Variants in NRG3 observed in about 807,000 individuals in gnomAD.
The protein encoded by NRG3 is pro-neuregulin-3, membrane-bound isoform.
Under a neutral mutation model 66.9 loss-of-function variants are expected in NRG3, and 31 were observed. The observed-to-expected ratio is 0.46, with a 90% CI of 0.35 to 0.63. The LOEUF (loss-of-function observed/expected upper bound fraction) is 0.63, where lower values mean the gene tolerates loss of function less well. NRG3 is among the 20% of genes least tolerant of loss of function. The probability of loss-of-function intolerance (pLI) is 0.00; values close to 1 mark genes in which losing one functional copy is unlikely to be tolerated. For synonymous variants in NRG3, 393 were observed against 359.4 expected, an observed-to-expected ratio of 1.09 and a Z score of -1.06; for missense variants, 910 against 878.9, an observed-to-expected ratio of 1.04 and a Z score of -0.45.
At chr10:82,703,034 C>A (rs2056013408) in intron 2 of NRG3, among the ~76,000 whole-genome samples, 1 of 148,720 alleles carries the variant, frequency 6.7e-6, no homozygotes, top group Non-Finnish European at 1.5e-5. Context: ...CCTTTCTTAA[C>A]CCTTCCTTCC....
At chr10:82,421,920 C>T (rs367917478) in intron 2 of NRG3, among the ~76,000 whole-genome samples, 1 of 152,028 alleles carries the variant, frequency 6.6e-6, no homozygotes, top group African/African-American at 2.4e-5. Context: ...CAACTACTTT[C>T]GGTTCAACTT....
At chr10:82,349,553 C>A (rs958341205) in intron 1 of NRG3, among the ~76,000 whole-genome samples, 12 of 152,014 alleles carry the variant, frequency 7.9e-5, no homozygotes, top group African/African-American at 2.9e-4. Context: ...GTGGAGCCTA[C>A]AGAGGCAGGC....
intron 1 of NRG3, among the ~76,000 whole-genome samples, chr10:82,115,546 G>T (rs2132293609): frequency 6.6e-6 from 1 of 152,230 alleles, no homozygotes; most frequent in East Asian, 1.9e-4. Flanking sequence ...CTGTGACACT[G>T]AGGCCTTTGG....
intron 1 of NRG3, among the ~76,000 whole-genome samples, chr10:81,898,771 G>T (rs1198995975): frequency 2.0e-5 from 3 of 151,104 alleles, no homozygotes; most frequent in African/African-American, 7.3e-5. Context: ...ATTTTCTACT[G>T]TGTAGGCATT....
In NRG3 at chr10:82,531,173, G is replaced by A. The variant is rs184602955; in HGVS notation, c.953+172305G>A. ...TGGTCTATACAATAATGTAAATGAA[G>A]AATAAATTTAAAGTATTAAAAATAT... is the stretch of plus-strand genomic sequence containing the variant. On this transcript the variant is annotated intron_variant, in intron 2 of 8. Coordinates refer to ENST00000372141, the MANE Select transcript of NRG3 (RefSeq NM_001010848.4). Among the ~76,000 whole-genome samples the A allele has an allele frequency of 2.7e-3, 412 of 151,426 alleles. 1 individual carries two copies. Among genetic ancestry groups the A allele is most frequent in the Non-Finnish European group, 4.5e-3 (307 of 67,594 alleles).
chr10:82,720,600 G>T (rs1159525426), intron 2 of NRG3, among the ~76,000 whole-genome samples: 3 of 151,532 alleles, frequency 2.0e-5, no homozygotes, highest in African/African-American at 4.9e-5. Context: ...ACAAAATAGT[G>T]GTAACAACAT....
chr10:82,898,879 T>G (rs1249961081), intron 4 of NRG3, among the ~76,000 whole-genome samples: 1 of 151,584 alleles, frequency 6.6e-6, no homozygotes, highest in Admixed American at 6.6e-5. Context: ...CCCGGCTAAT[T>G]TTTTTGTATT....
At chr10:82,223,516 G>A (rs958744459) in intron 1 of NRG3, among the ~76,000 whole-genome samples, 1 of 152,158 alleles carries the variant, frequency 6.6e-6, no homozygotes, top group East Asian at 1.9e-4. Context: ...AACTCAGTTG[G>A]AGAGAATCAG....
intron 1 of NRG3, among the ~76,000 whole-genome samples, chr10:82,041,628 A>G (rs1427726744): frequency 1.3e-5 from 2 of 151,966 alleles, no homozygotes; most frequent in Non-Finnish European, 2.9e-5. Context: ...GTCAGGAACA[A>G]CATTCCTCAA....
intron 1 of NRG3, among the ~76,000 whole-genome samples, chr10:82,238,770 A>G (rs2076867261): frequency 6.6e-6 from 1 of 152,010 alleles, no homozygotes; most frequent in Non-Finnish European, 1.5e-5. Context: ...GTGTGAGCAT[A>G]TAATCTATCA....
At chr10:82,748,696 G>C (rs2058739445) in intron 3 of NRG3, among the ~76,000 whole-genome samples, 1 of 150,464 alleles carries the variant, frequency 6.6e-6, no homozygotes, top group African/African-American at 2.4e-5. Context: ...GCCAGGGACT[G>C]TTCTAAGTTT....
chr10:82,411,153 T>A (rs2136153478), intron 2 of NRG3, among the ~76,000 whole-genome samples: 1 of 152,176 alleles, frequency 6.6e-6, no homozygotes, highest in South Asian at 2.1e-4. Flanking sequence ...TGACCTCAGG[T>A]GATCTACCTG....
At chr10:82,358,691 G>C in intron 1 of NRG3, 48 bp from the exon 2 acceptor site, 1 of 1,610,616 alleles carries the variant, frequency 6.2e-7, no homozygotes. Context: ...AGTTGTTGGT[G>C]TCAGAATGTA....
chr10:82,610,092 A>G (rs1479362765), intron 2 of NRG3, among the ~76,000 whole-genome samples: 1 of 152,172 alleles, frequency 6.6e-6, no homozygotes, highest in Non-Finnish European at 1.5e-5. Flanking sequence ...GCTGTCAGCC[A>G]GAACCTCTCT....
At chr10:82,084,439 T>A (rs1317553434) in intron 1 of NRG3, among the ~76,000 whole-genome samples, 1 of 152,028 alleles carries the variant, frequency 6.6e-6, no homozygotes, top group Non-Finnish European at 1.5e-5. Flanking sequence ...AATTGCTTTT[T>A]AATAATCTTG....
chr10:82,434,230 C>A (rs965233710), intron 2 of NRG3, among the ~76,000 whole-genome samples: 1 of 152,000 alleles, frequency 6.6e-6, no homozygotes. Context: ...GGAATTCATT[C>A]ATGATTTGGC....
At chr10:82,904,629 A>G (rs1844549046) in intron 4 of NRG3, among the ~76,000 whole-genome samples, 2 of 152,182 alleles carry the variant, frequency 1.3e-5, no homozygotes, top group Non-Finnish European at 2.9e-5. Flanking sequence ...GAAGGAATAC[A>G]TAGAAGCATA....
At chr10:82,100,494 T>G (rs2066662881) in intron 1 of NRG3, among the ~76,000 whole-genome samples, 1 of 152,198 alleles carries the variant, frequency 6.6e-6, no homozygotes, top group Admixed American at 6.5e-5. Context: ...CTTTCAACTT[T>G]AAATATAACA....
At chr10:82,262,166 G>A (rs1462193244) in intron 1 of NRG3, among the ~76,000 whole-genome samples, 4 of 152,156 alleles carry the variant, frequency 2.6e-5, no homozygotes, top group African/African-American at 9.7e-5. Flanking sequence ...TCATAGCTAT[G>A]CAAGAATGGA....
Sources: gnomAD v4.1 joint callset for allele counts (sites outside exome capture counted in the v4.1 genomes callset) on GRCh38, gnomAD v4.1.1 for gene constraint, MANE v1.5 for transcripts, NCBI Gene and HGNC (gene_info 2026-07-23, HGNC 2026-07-21) for gene names.